AHNAK: variants seen among roughly 807,000 people sequenced by gnomAD.
The protein encoded by AHNAK is neuroblast differentiation-associated protein AHNAK.
AHNAK carries 23 observed loss-of-function variants against 37.8 expected under a neutral mutation model. The ratio of observed to expected loss-of-function variants is 0.61; its 90% confidence interval spans 0.44 to 0.86. AHNAK has a LOEUF of 0.86. Among genes scored for constraint, AHNAK ranks in the 40% least tolerant of loss-of-function variants. AHNAK has a pLI of 0.00. For synonymous variants in AHNAK, 2,481 were observed against 2,636.3 expected (o/e 0.94, Z 1.80); for missense variants, 7,411 against 7,319.4 (o/e 1.01, Z -0.46).
Position 62,519,798 on chromosome 11 carries a change from C to G in AHNAK, c.14619G>C (p.Lys4873Asn). ...CTGGGCCTTTCAAAGTCCCTTCAAC[C>G]TTAGGGACAGACACATCAAAATCTC... The part of the protein sequence containing the change: ...VKGDFDVSVP[K>N]VEGTLKGPEV... The change falls in exon 5 of 5, where the codon AAG becomes AAC. Residue 4873 changes from lysine (K) to asparagine (N), a missense_variant. Lys to Asn is a moderately conservative substitution (Grantham distance 94). Transcript: ENST00000378024. 1 of 1,613,936 alleles carries G rather than the reference C, an allele frequency of 6.2e-7. No homozygotes were observed. The highest frequency in any genetic ancestry group is 2.2e-5 in the East Asian group (1 of 44,882).
At position 62,472,426 on chromosome 11, in the gene AHNAK, T is replaced by C. The variant is rs565566430; in HGVS notation, c.442+19306A>G. Among the ~76,000 whole-genome samples the C allele has an allele frequency of 2.0e-5, 3 of 152,218 alleles. No individual in the cohort carries two copies. In the South Asian group the frequency reaches 6.2e-4, roughly 32 times the overall value. On this transcript the variant is annotated intron_variant, in intron 5 of 5. Coordinates refer to the AHNAK transcript ENST00000257247. ...TCTACTGTCCTTCCACTCTGAGTTCTTAGGCTTTTGTCAACACCCCAGCCC... is the reference window on the plus strand; with the variant it reads ...TCTACTGTCCTTCCACTCTGAGTTCCTAGGCTTTTGTCAACACCCCAGCCC...
At chr11:62,462,991 C>T (rs886970088) in intron 5 of AHNAK, among the ~76,000 whole-genome samples, 8 of 151,604 alleles carry the variant, frequency 5.3e-5, no homozygotes, top group Non-Finnish European at 8.8e-5. Context: ...ATTAGCCGGG[C>T]GTGGTGCCTG....
At chr11:62,515,687 C>A (rs1346725437), downstream of AHNAK, among the ~76,000 whole-genome samples, 1 of 152,232 alleles carries the variant, frequency 6.6e-6, no homozygotes. Context: ...CGAGGCCAAG[C>A]CTCTTCTTGA....
Position 62,523,187 on chromosome 11 carries a change from T to C in AHNAK, c.11230A>G (p.Lys3744Glu), listed in dbSNP as rs1361788050. ...KIPEMHLKAPKISMPDIDLNL... is the reference protein window; with the variant it reads ...KIPEMHLKAPEISMPDIDLNL... ...AAATCAATGTCAGGCATCGATATTT[T>C]GGGAGCCTTCAGGTGCATCTCTGGT... The change falls in exon 5 of 5, where the codon AAA becomes GAA. Residue 3744 changes from lysine (K) to glutamate (E), a missense_variant. Coordinates refer to ENST00000378024, the MANE Select transcript of AHNAK (RefSeq NM_001620.3). The C allele has an allele frequency of 1.2e-6, 2 of 1,613,794 alleles. No individual in the cohort carries two copies. The highest frequency in any genetic ancestry group is 4.5e-5 in the East Asian group (2 of 44,882).
Position 62,526,630 on chromosome 11 carries a change from T to C in AHNAK, c.7787A>G (p.Asp2596Gly), listed in dbSNP as rs1413354420. ...CACTTTGGGCAGAGAAACATCCACA[T>C]CGCCCTTCACCTTGGGACCTTTCAG... The part of the protein sequence containing the change: ...LHLKGPKVKG[D>G]VDVSLPKVEG... Residue 2596 changes from aspartate (D) to glycine (G), a missense_variant, in exon 5 of 5, where the codon GAT becomes GGT. Physicochemically the swap from Asp to Gly is moderately conservative, Grantham distance 94 (BLOSUM62 -1). Coordinates refer to ENST00000378024, the MANE Select transcript of AHNAK (RefSeq NM_001620.3). The C allele has an allele frequency of 6.2e-7, 1 of 1,613,362 alleles. No individual in the cohort carries two copies. Among genetic ancestry groups the C allele is most frequent in the South Asian group, 1.1e-5 (1 of 91,052 alleles).
intron 5 of AHNAK, among the ~76,000 whole-genome samples, chr11:62,479,184 TG>T (rs1336357686): frequency 4.0e-5 from 6 of 148,934 alleles, no homozygotes; most frequent in African/African-American, 1.5e-4. Context: ...TTTTTTTTTT[TG>T]ATACGGAGTT....
chr11:62,511,217 C>T (rs1939904156), downstream of AHNAK, among the ~76,000 whole-genome samples: 1 of 152,012 alleles, frequency 6.6e-6, no homozygotes, highest in Non-Finnish European at 1.5e-5. Context: ...AACCCACCCA[C>T]CTAATTAACC....
At chr11:62,539,434 T>C (rs1941054989) in intron 1 of AHNAK, among the ~76,000 whole-genome samples, 1 of 151,832 alleles carries the variant, frequency 6.6e-6, no homozygotes. Flanking sequence ...CGCCCACACC[T>C]CGGCCCCACC....
At chr11:62,498,981 A>T (rs567696498) in intron 4 of AHNAK, among the ~76,000 whole-genome samples, 8 of 152,160 alleles carry the variant, frequency 5.3e-5, no homozygotes, top group African/African-American at 1.9e-4. Flanking sequence ...GACTCTGGGG[A>T]TATATTAAAA....
rs761907451 is a variant in AHNAK at position 62,521,714 on chromosome 11, C to G, written c.12703G>C (p.Gly4235Arg). The G allele has an allele frequency of 2.5e-6, 4 of 1,613,908 alleles. No individual in the cohort carries two copies. In the East Asian group the frequency reaches 8.9e-5, roughly 36 times the overall value. ...DIDVPDVNIE[G>R]PDAKLKGPKF... ...GGGCCCTTTAGTTTCGCATCTGGACCTTCGATATTCACATCAGGAACATCA... is the reference window on the plus strand; with the variant it reads ...GGGCCCTTTAGTTTCGCATCTGGACGTTCGATATTCACATCAGGAACATCA... The change falls in exon 5 of 5, where the codon GGT becomes CGT. Residue 4235 changes from glycine to arginine, a missense_variant. Physicochemically the swap from Gly to Arg is moderately radical, Grantham distance 125 (BLOSUM62 -2). Transcript: ENST00000378024.
chr11:62,519,638 C>G lies in AHNAK; in HGVS notation c.14779G>C (p.Ala4927Pro). ...TAPDVDLHLK[A>P]PKIGFSGPKL... ...GGACCTGAAAATCCAATTTTTGGTG[C>G]CTTGAGATGCAAATCAACATCAGGA... The change falls in exon 5 of 5, where the codon GCA becomes CCA. Residue 4927 changes from alanine to proline, a missense_variant. Transcript: ENST00000378024. 1.2e-6 allele frequency: 2 copies of G among 1,613,730 alleles called. No homozygotes were observed. Among genetic ancestry groups the G allele is most frequent in the African/African-American group, 1.3e-5 (1 of 74,988 alleles).
intron 5 of AHNAK, among the ~76,000 whole-genome samples, chr11:62,483,994 A>G (rs1297385): frequency 0.22 from 29,197 of 135,560 alleles, 8,845 homozygotes; most frequent in African/African-American, 0.67. Context: ...CCGAGATCGC[A>G]CCACTGCACT....
chr11:62,531,219 C>T lies in AHNAK; in HGVS notation c.3198G>A (p.Lys1066=). Residue 1066 remains lysine, a synonymous_variant, in exon 5 of 5, where the codon AAG becomes AAA. Coordinates refer to ENST00000378024, the MANE Select transcript of AHNAK (RefSeq NM_001620.3). ...CCAGGTCAACATCTGGCAAAGACAT[C>T]TTAGGAGCTCTGAAGTGCATCTCAG... ...KMPEMHFRAP[K]MSLPDVDLDL... is the part of the protein sequence containing the mutation. 1 of 1,614,176 alleles carries T rather than the reference C, an allele frequency of 6.2e-7. No individual in the cohort carries two copies. The highest frequency in any genetic ancestry group is 8.5e-7 in the Non-Finnish European group (1 of 1,180,028).
At chr11:62,541,349 G>A (rs2134265451) in intron 1 of AHNAK, among the ~76,000 whole-genome samples, 1 of 152,334 alleles carries the variant, frequency 6.6e-6, no homozygotes, top group Non-Finnish European at 1.5e-5. Flanking sequence ...GCCCAGCATG[G>A]CAGCACGCAC....
At chr11:62,447,251 T>G (rs972701492) in intron 5 of AHNAK, among the ~76,000 whole-genome samples, 1 of 152,198 alleles carries the variant, frequency 6.6e-6, no homozygotes, top group Non-Finnish European at 1.5e-5. Context: ...GGAAGAATCC[T>G]GTTTGTTCAA....
chr11:62,472,513 C>T (rs1333380909), intron 5 of AHNAK, among the ~76,000 whole-genome samples: 6 of 152,052 alleles, frequency 3.9e-5, no homozygotes, highest in African/African-American at 9.7e-5. Flanking sequence ...TTACCCAAAT[C>T]TCCTCCTTCC....
chr11:62,438,183 T>C (rs113225084), intron 5 of AHNAK, among the ~76,000 whole-genome samples: 37 of 104,870 alleles, frequency 3.5e-4, no homozygotes, highest in East Asian at 1.1e-3. Flanking sequence ...CTTTCTCTCT[T>C]TTTTTTTTTT....
At chr11:62,466,471 T>A (rs1459954312) in intron 5 of AHNAK, among the ~76,000 whole-genome samples, 10 of 3,246 alleles carry the variant, frequency 3.1e-3, no homozygotes, top group African/African-American at 8.4e-3. Flanking sequence ...AAGTTTTGAT[T>A]TTTTTTTTTT....
chr11:62,465,586 T>C (rs1198277059), intron 5 of AHNAK, among the ~76,000 whole-genome samples: 1 of 151,884 alleles, frequency 6.6e-6, no homozygotes, highest in Non-Finnish European at 1.5e-5. Flanking sequence ...GCACTCCAGC[T>C]TGGGTAACAG....
Sources: gnomAD v4.1 joint callset for allele counts (sites outside exome capture counted in the v4.1 genomes callset) on GRCh38, gnomAD v4.1.1 for gene constraint, MANE v1.5 for transcripts, NCBI Gene and HGNC (gene_info 2026-07-23, HGNC 2026-07-21) for gene names.